Variants in UBE3C observed in about 807,000 individuals in gnomAD.
UBE3C encodes the protein ubiquitin-protein ligase E3C.
In UBE3C, 42 loss-of-function variants were observed where a neutral mutation model predicts 129.4. The observed-to-expected ratio is 0.32, with a 90% CI of 0.25 to 0.42. UBE3C has a LOEUF of 0.42. UBE3C is among the 10% of genes least tolerant of loss of function. UBE3C has a pLI of 1.00. For synonymous variants in UBE3C, 510 were observed against 492.4 expected (o/e 1.04, Z -0.47); for missense variants, 1,049 against 1,319.1 (o/e 0.80, Z 3.17).
chr7:157,192,340 C>T (rs567211066), intron 10 of UBE3C: 55 of 576,952 alleles, frequency 9.5e-5, no homozygotes, highest in Non-Finnish European at 1.3e-4. Flanking sequence ...CTTTTCGATC[C>T]GCCATCTGCG....
intron 18 of UBE3C, among the ~76,000 whole-genome samples, chr7:157,242,771 G>A (rs1833098): frequency 0.082 from 12,429 of 152,066 alleles, 688 homozygotes; most frequent in Middle Eastern, 0.13. Flanking sequence ...AAAAGGAAGG[G>A]TCGAGCCAGG....
chr7:157,243,221 G>A (rs1415656821), intron 18 of UBE3C, among the ~76,000 whole-genome samples: 1 of 152,190 alleles, frequency 6.6e-6, no homozygotes, highest in African/African-American at 2.4e-5. Flanking sequence ...TGAAAGCCGA[G>A]TTGGAGATGA....
intron 21 of UBE3C, among the ~76,000 whole-genome samples, chr7:157,254,930 ACACCTGCAGTCCCGGCG>A (rs1796709908): frequency 1.2e-5 from 1 of 86,316 alleles, no homozygotes; most frequent in African/African-American, 5.9e-5. Context: ...GTGGTGGCGT[ACACCTGCAGTCCCGGCG>A]TGGTGGCGTA....
chr7:157,148,284 G>A (rs1807661203), intron 1 of UBE3C, among the ~76,000 whole-genome samples: 1 of 152,006 alleles, frequency 6.6e-6, no homozygotes, highest in African/African-American at 2.4e-5. Context: ...TGTATTTTTA[G>A]TAGAGATGGG....
intron 17 of UBE3C, among the ~76,000 whole-genome samples, chr7:157,225,859 G>C (rs1221461916): frequency 6.6e-6 from 1 of 152,188 alleles, no homozygotes; most frequent in Non-Finnish European, 1.5e-5. Context: ...GCTGAGGCGG[G>C]AGGATGGCTT....
rs562155095 is a variant in UBE3C at position 157,218,405 on chromosome 7, C to T, written c.1914+1434C>T. On this transcript the variant is annotated intron_variant, in intron 14 of 22. Coordinates refer to ENST00000348165, the MANE Select transcript of UBE3C (RefSeq NM_014671.3). ...CGGAGGTTGCAGTAAGCTGAGATCA[C>T]GCCACTGCACTCCAGCCTGGGCGAC... Among the ~76,000 whole-genome samples, 5 of 150,086 alleles carry T rather than the reference C, an allele frequency of 3.3e-5. No homozygotes were observed. In the East Asian group the frequency reaches 1.0e-3, roughly 30 times the overall value.
chr7:157,214,344 T>C (rs10230895), intron 13 of UBE3C, among the ~76,000 whole-genome samples: 72,286 of 152,052 alleles, frequency 0.48, 19,795 homozygotes, highest in African/African-American at 0.77. Context: ...TATATGTTCT[T>C]ATGAACAGAG....
chr7:157,252,407 T>A (rs980778063), intron 19 of UBE3C, among the ~76,000 whole-genome samples: 2 of 152,230 alleles, frequency 1.3e-5, no homozygotes, highest in African/African-American at 4.8e-5. Flanking sequence ...ACACAATCTT[T>A]AATCAGAATG....
At chr7:157,261,252 A>T (rs557479739) in intron 22 of UBE3C, among the ~76,000 whole-genome samples, 1 of 137,112 alleles carries the variant, frequency 7.3e-6, no homozygotes, top group African/African-American at 2.6e-5. Flanking sequence ...GTTGCAGTGA[A>T]CCAAGATTGC....
At chr7:157,160,847 C>A (rs1808049806) in intron 1 of UBE3C, among the ~76,000 whole-genome samples, 2 of 152,110 alleles carry the variant, frequency 1.3e-5, no homozygotes, top group African/African-American at 4.8e-5. Flanking sequence ...AAAGAGTTTT[C>A]TTTTCCTTGT....
intron 2 of UBE3C, chr7:157,164,645 C>G: frequency 2.9e-6 from 1 of 343,474 alleles, no homozygotes; most frequent in South Asian, 2.2e-5. Context: ...ATCTTATGAC[C>G]TGCTTTTTTA....
chr7:157,214,645 G>A (rs1271793253), intron 13 of UBE3C, among the ~76,000 whole-genome samples: 1 of 152,150 alleles, frequency 6.6e-6, no homozygotes, highest in African/African-American at 2.4e-5. Flanking sequence ...GACCAGACAC[G>A]AACATCTTCA....
At chr7:157,247,194 T>C (rs1472806403) in intron 18 of UBE3C, among the ~76,000 whole-genome samples, 1 of 152,160 alleles carries the variant, frequency 6.6e-6, no homozygotes, top group Non-Finnish European at 1.5e-5. Context: ...CCTGACTAGA[T>C]ATATTCTAAC....
intron 18 of UBE3C, among the ~76,000 whole-genome samples, chr7:157,232,931 G>C (rs190578535): frequency 6.6e-6 from 1 of 152,118 alleles, no homozygotes; most frequent in Admixed American, 6.5e-5. Flanking sequence ...ACCTTTTAAA[G>C]TGTACAGTTC....
At chr7:157,189,584 A>G (rs1003282145) in intron 10 of UBE3C, among the ~76,000 whole-genome samples, 2 of 152,170 alleles carry the variant, frequency 1.3e-5, no homozygotes, top group African/African-American at 2.4e-5. Flanking sequence ...TTACATGTAG[A>G]TGAGGCCTGC....
chr7:157,189,077 G>A, intron 10 of UBE3C: 1 of 421,036 alleles, frequency 2.4e-6, no homozygotes, highest in Non-Finnish European at 4.2e-6. Flanking sequence ...AAGAAGGATG[G>A]AAAAAATAGG....
intron 10 of UBE3C, among the ~76,000 whole-genome samples, chr7:157,199,780 A>G (rs1371071804): frequency 6.6e-6 from 1 of 152,144 alleles, no homozygotes; most frequent in Non-Finnish European, 1.5e-5. Context: ...CATATTTCAG[A>G]GTGAATTTTA....
At position 157,197,859 on chromosome 7, in the gene UBE3C, G is replaced by A. The variant is rs1015211656; in HGVS notation, c.1332-3862G>A. 26 of 1,607,508 alleles carry A rather than the reference G, an allele frequency of 1.6e-5. 1 individual carries two copies. Among genetic ancestry groups the A allele is most frequent in the South Asian group, 7.7e-5 (7 of 90,906 alleles). ...CACTGAATCATCAATAAGAACAACC[G>A]CGTTAAGTATTGATTTATCCTCCTC... On this transcript the variant is annotated intron_variant, in intron 10 of 22. Coordinates refer to ENST00000348165, the MANE Select transcript of UBE3C (RefSeq NM_014671.3).
rs538500122 is a variant in UBE3C at position 157,258,660 on chromosome 7, A to G, written c.3081+1616A>G. Among the ~76,000 whole-genome samples, 7 of 152,086 alleles carry G rather than the reference A, an allele frequency of 4.6e-5. No individual in the cohort carries two copies. In the East Asian group the frequency reaches 1.4e-3, roughly 30 times the overall value. On this transcript the variant is annotated intron_variant, in intron 22 of 22. Coordinates refer to ENST00000348165, the MANE Select transcript of UBE3C (RefSeq NM_014671.3). ...TTTTTAGTAGAGACGGGGTTTCACC[A>G]TGTTGGCCAGGCTGGTCTCAAACTC...
Sources: gnomAD v4.1 joint callset for allele counts (sites outside exome capture counted in the v4.1 genomes callset) on GRCh38, gnomAD v4.1.1 for gene constraint, MANE v1.5 for transcripts, NCBI Gene and HGNC (gene_info 2026-07-23, HGNC 2026-07-21) for gene names.